Variants in BAG3 observed in about 807,000 individuals in gnomAD.
BAG3 encodes BAG family molecular chaperone regulator 3.
Under a neutral mutation model 40.5 loss-of-function variants are expected in BAG3, and 14 were observed. That is an observed-to-expected ratio of 0.35 (90% CI 0.23 to 0.54). The LOEUF (loss-of-function observed/expected upper bound fraction) is 0.54. Among genes scored for constraint, BAG3 ranks in the 20% least tolerant of loss-of-function variants. The pLI is 0.91. For missense variants in BAG3, 788 were observed against 758.6 expected (o/e 1.04, Z -0.46); for synonymous variants, 302 against 307.8 (o/e 0.98, Z 0.20).
In BAG3 at chr10:119,661,298, G is replaced by A. The variant is rs139816056; in HGVS notation, c.181-8553G>A. Among the ~76,000 whole-genome samples, 693 of 152,198 alleles carry A rather than the reference G, an allele frequency of 4.6e-3. 7 individuals carry two copies. Among genetic ancestry groups the A allele is most frequent in the African/African-American group, 0.016 (654 of 41,538 alleles). ...GAAAGAAAGAAAAAGAAACCCAATT[G>A]TTTAGGGCACAGAGCAGCTCAGAGT... On this transcript the variant is annotated intron_variant, in intron 1 of 3. Transcript: ENST00000369085.
intron 1 of BAG3, 99 bp downstream of exon 1, chr10:119,651,954 G>A: frequency 3.7e-6 from 4 of 1,086,840 alleles, no homozygotes; most frequent in Non-Finnish European, 4.6e-6. Flanking sequence ...GGCGGGGCCC[G>A]GGGGTCGGCG....
chr10:119,676,954 C>T lies in BAG3; in HGVS notation c.1400C>T (p.Ser467Leu). 1 of 1,614,162 alleles carries T rather than the reference C, an allele frequency of 6.2e-7. No individual in the cohort carries two copies. Among genetic ancestry groups the T allele is most frequent in the Non-Finnish European group, 8.5e-7 (1 of 1,180,026 alleles). Residue 467 changes from serine to leucine, a missense_variant, in exon 4 of 4, where the codon TCA becomes TTA. Physicochemically the swap from Ser to Leu is moderately radical, Grantham distance 145. Transcript: ENST00000369085. ...YLTKELLALD[S>L]VDPEGRADVR... ...ACCAAAGAGCTGCTGGCCCTGGATT[C>T]AGTGGACCCCGAGGGACGAGCCGAT...
chr10:119,662,228 T>TTG (rs1554876341), intron 1 of BAG3, among the ~76,000 whole-genome samples: 2 of 144,486 alleles, frequency 1.4e-5, no homozygotes, highest in African/African-American at 2.6e-5. Context: ...TTTTTTTTGT[T>TTG]TTTTTTTTTT....
At position 119,670,168 on chromosome 10, in the gene BAG3, C is replaced by T. The variant is rs111682654; in HGVS notation, c.498C>T (p.His166=). The stretch of plus-strand genomic sequence containing the variant: ...CGGCAGCCCAGCCCCCAGCCTCCCA[C>T]GGACCTGAGGTAAGGAGAGGCCAGG... ...AAAAAQPPAS[H]GPERSQSPAA... Residue 166 remains histidine (H), a synonymous_variant, in exon 2 of 4, where the codon CAC becomes CAT. Coordinates refer to ENST00000369085, the MANE Select transcript of BAG3 (RefSeq NM_004281.4). 9.8e-5 allele frequency: 157 copies of T among 1,609,460 alleles called. 5 individuals carry two copies. In the African/African-American group the frequency reaches 1.1e-3, roughly 12 times the overall value.
chr10:119,668,393 C>T (rs2134062218), intron 1 of BAG3, among the ~76,000 whole-genome samples: 1 of 152,384 alleles, frequency 6.6e-6, no homozygotes, highest in Middle Eastern at 3.4e-3. Flanking sequence ...CCCCTGCAAG[C>T]TCATAGATTG....
Position 119,677,402 on chromosome 10 carries a change from TGGG to T in BAG3, c.*121_*123del. ...ATTAGCTGCTTGGTATGCAGTAACTTGGGTGGAGGCAAAACACTAATAAAAGGG... is the reference window on the plus strand; with the variant it reads ...ATTAGCTGCTTGGTATGCAGTAACTTTGGAGGCAAAACACTAATAAAAGGG... On this transcript the variant is annotated 3_prime_UTR_variant, in exon 4 of 4. Transcript: ENST00000369085. The T allele has an allele frequency of 8.1e-7, 1 of 1,239,070 alleles. No homozygotes were observed. The highest frequency in any genetic ancestry group is 1.2e-6 in the Non-Finnish European group (1 of 861,120). The allele number at this position is 1,239,070 out of a possible 1,614,324, so 76.8% of individuals were successfully genotyped here. A position where few individuals can be genotyped will look rare whatever the true frequency, so the allele number is the denominator to read the frequency against.
At position 119,670,075 on chromosome 10, in the gene BAG3, G is replaced by C. The variant is rs757374067; in HGVS notation, c.405G>C (p.Gln135His). 1 of 1,614,198 alleles carries C rather than the reference G, an allele frequency of 6.2e-7. No individual in the cohort carries two copies. The highest frequency in any genetic ancestry group is 8.5e-7 in the Non-Finnish European group (1 of 1,180,036). Residue 135 changes from glutamine to histidine, a missense_variant, in exon 2 of 4, where the codon CAG becomes CAC. Transcript: ENST00000369085. The stretch of plus-strand genomic sequence containing the variant: ...CAGCAGCGGCTCCTCAGAGGTCCCA[G>C]TCACCTCTGCGGGGCATGCCAGAAA... ...EAAAAAPQRSQSPLRGMPETT... is the reference protein window; with the variant it reads ...EAAAAAPQRSHSPLRGMPETT...
At chr10:119,660,983 C>T (rs891324186) in intron 1 of BAG3, among the ~76,000 whole-genome samples, 1 of 152,192 alleles carries the variant, frequency 6.6e-6, no homozygotes, top group African/African-American at 2.4e-5. Flanking sequence ...ATCCCAGCTA[C>T]TCAGGAGGCT....
chr10:119,674,318 G>A (rs1392836015), intron 3 of BAG3, among the ~76,000 whole-genome samples: 1 of 152,236 alleles, frequency 6.6e-6, no homozygotes, highest in East Asian at 1.9e-4. Flanking sequence ...TTGCTGGAGT[G>A]TAGACAGCTA....
At chr10:119,659,245 G>A (rs1846959286) in intron 1 of BAG3, among the ~76,000 whole-genome samples, 1 of 152,232 alleles carries the variant, frequency 6.6e-6, no homozygotes, top group Non-Finnish European at 1.5e-5. Context: ...GCCCAAGATA[G>A]GCTGGGTCCT....
At position 119,672,136 on chromosome 10, in the gene BAG3, G is replaced by A. The variant is rs183833891; in HGVS notation, c.508-119G>A. ...CACATTTTGAAAATTGAAAATTACA[G>A]ATAGGAGGTCTTACAATATGGATTG... On this transcript the variant is annotated intron_variant, in intron 2 of 3. Coordinates refer to ENST00000369085, the MANE Select transcript of BAG3 (RefSeq NM_004281.4). This position sits in a 1 kb window ranked among gnomAD's most constrained non-coding sequence, Gnocchi z 4.8. The A allele has an allele frequency of 1.3e-4, 175 of 1,367,448 alleles. No individual in the cohort carries two copies. In the East Asian group the frequency reaches 3.3e-3, roughly 26 times the overall value. 84.7% of individuals were successfully genotyped at this position (1,367,448 alleles called of 1,614,324 possible). A position where few individuals can be genotyped will look rare whatever the true frequency, so the allele number is the denominator to read the frequency against.
chr10:119,664,359 A>G (rs975716640), intron 1 of BAG3, among the ~76,000 whole-genome samples: 32 of 152,216 alleles, frequency 2.1e-4, no homozygotes, highest in Admixed American at 2.0e-3. Flanking sequence ...AATGCAATGC[A>G]CAAACAAGGG....
intron 3 of BAG3, among the ~76,000 whole-genome samples, chr10:119,673,454 G>A (rs1453095421): frequency 6.6e-6 from 1 of 152,182 alleles, no homozygotes; most frequent in Non-Finnish European, 1.5e-5. Flanking sequence ...TGTAGGCAGG[G>A]GTCTGGTTAT....
chr10:119,670,020 C>T lies in BAG3; in HGVS notation c.350C>T (p.Pro117Leu), dbSNP rs771845503. 4 of 1,614,262 alleles carry T rather than the reference C, an allele frequency of 2.5e-6. No individual in the cohort carries two copies. In the South Asian group the frequency reaches 4.4e-5, roughly 18 times the overall value. ...CACCCTTTCCATGTCTATCCCCAGC[C>T]TGGGATGCAGCGATTCCGAACTGAG... The part of the protein sequence containing the change: ...QVHPFHVYPQ[P>L]GMQRFRTEAA... Residue 117 changes from proline (P) to leucine (L), a missense_variant, in exon 2 of 4, where the codon CCT (proline) becomes CTT (leucine). Physicochemically the swap from Pro to Leu is moderately conservative, Grantham distance 98. Coordinates refer to ENST00000369085, the MANE Select transcript of BAG3 (RefSeq NM_004281.4).
At position 119,669,914 on chromosome 10, in the gene BAG3, G is replaced by A. The variant is rs550014639; in HGVS notation, c.244G>A (p.Gly82Ser). 1 of 1,614,218 alleles carries A rather than the reference G, an allele frequency of 6.2e-7. No individual in the cohort carries two copies. Among genetic ancestry groups the A allele is most frequent in the South Asian group, 1.1e-5 (1 of 91,084 alleles). Residue 82 changes from glycine to serine, a missense_variant, in exon 2 of 4, where the codon GGC (glycine) becomes AGC (serine). Coordinates refer to ENST00000369085, the MANE Select transcript of BAG3 (RefSeq NM_004281.4). ...CTCTAGGCTGCCGCCTGCTAGGGAAGGCCACCCTGTGTACCCCCAGCTCCG... is the reference window on the plus strand; with the variant it reads ...CTCTAGGCTGCCGCCTGCTAGGGAAAGCCACCCTGTGTACCCCCAGCTCCG... ...EGSRLPPAREGHPVYPQLRPG... is the reference protein window; with the variant it reads ...EGSRLPPARESHPVYPQLRPG...
chr10:119,651,573 C>T lies in BAG3; in HGVS notation c.-103C>T. On this transcript the variant is annotated 5_prime_UTR_variant, in exon 1 of 4. It adds an upstream start codon to the 5' untranslated region. Coordinates refer to ENST00000369085, the MANE Select transcript of BAG3 (RefSeq NM_004281.4). The stretch of plus-strand genomic sequence containing the variant: ...GTGCCCGGCGCCGGCTTCCCGGACA[C>T]GTCGGCGGCGGAGAGGGGCCCACGG... 1 of 1,140,606 alleles carries T rather than the reference C, an allele frequency of 8.8e-7. No individual in the cohort carries two copies. Among genetic ancestry groups the T allele is most frequent in the Non-Finnish European group, 1.1e-6 (1 of 873,242 alleles). The allele number at this position is 1,140,606 out of a possible 1,614,324, so 70.7% of individuals were successfully genotyped here.
chr10:119,672,285 T>C lies in BAG3; in HGVS notation c.538T>C (p.Ser180Pro), dbSNP rs2134064962. Reference protein sequence around the residue: ...RSQSPAASDCSSSSSSASLPS... With the variant: ...RSQSPAASDCPSSSSSASLPS... The stretch of plus-strand genomic sequence containing the variant: ...CCAGTCTCCAGCTGCCTCTGACTGC[T>C]CATCCTCATCCTCCTCGGCCAGCCT... Residue 180 changes from serine to proline, a missense_variant, in exon 3 of 4, where the codon TCA (serine) becomes CCA (proline). Transcript: ENST00000369085. This position sits in a 1 kb window ranked among gnomAD's most constrained non-coding sequence, Gnocchi z 4.8. 3 of 1,613,844 alleles carry C rather than the reference T, an allele frequency of 1.9e-6. No homozygotes were observed. The highest frequency in any genetic ancestry group is 1.1e-5 in the South Asian group (1 of 91,088).
rs1554876557 is a variant in BAG3 at position 119,665,092 on chromosome 10, TTGTGTGTG to T, written c.181-4731_181-4724del. 8.2e-4 allele frequency among the ~76,000 whole-genome samples: 72 copies of T among 88,004 alleles called. 1 individual carries two copies. In the South Asian group the frequency reaches 0.026, roughly 32 times the overall value. 57.7% of individuals were successfully genotyped at this position (88,004 alleles called of 152,430 possible). A position where few individuals can be genotyped will look rare whatever the true frequency, so the allele number is the denominator to read the frequency against. The stretch of plus-strand genomic sequence containing the variant: ...GCCACCACACACAGCTAATTTTTGT[TTGTGTGTG>T]TGTGTGTGTGTGTGTGTGTGTGTGT... On this transcript the variant is annotated intron_variant, in intron 1 of 3. Coordinates refer to ENST00000369085, the MANE Select transcript of BAG3 (RefSeq NM_004281.4).
In BAG3 at chr10:119,672,940, C is replaced by G. The variant is rs1847173591; in HGVS notation, c.909+284C>G. 6.6e-6 allele frequency among the ~76,000 whole-genome samples: 1 copy of G among 152,084 alleles called. No homozygotes were observed. Among genetic ancestry groups the G allele is most frequent in the Admixed American group, 6.6e-5 (1 of 15,264 alleles). On this transcript the variant is annotated intron_variant, in intron 3 of 3. Transcript: ENST00000369085. This position sits in a 1 kb window ranked among gnomAD's most constrained non-coding sequence, Gnocchi z 4.8. ...TTGGCAGAACTTACATACCTGGGAC[C>G]AGCTTCCTTAGTGTCCACCACACCC...
Sources: allele counts gnomAD v4.1 joint callset (sites outside exome capture counted in the v4.1 genomes callset), GRCh38; gene constraint gnomAD v4.1.1; non-coding constraint Gnocchi (gnomAD v3.1); transcripts MANE v1.5; gene names NCBI Gene and HGNC (gene_info 2026-07-23, HGNC 2026-07-21).